The following GOLGA3 variants were observed in gnomAD, a reference collection of about 807,000 sequenced individuals.
GOLGA3 encodes golgin A3.
A neutral mutation model predicts 169.4 loss-of-function variants in GOLGA3; 75 were observed. The ratio of observed to expected loss-of-function variants is 0.44; its 90% CI spans 0.37 to 0.54. The LOEUF (loss-of-function observed/expected upper bound fraction) is 0.54, where lower values mean the gene tolerates loss of function less well. Ranked by LOEUF, GOLGA3 falls within the 20% of genes least tolerant of loss-of-function variation. The probability of loss-of-function intolerance (pLI) is 0.00; values close to 1 mark genes in which losing one functional copy is unlikely to be tolerated. For synonymous variants in GOLGA3, 824 were observed against 822.4 expected (o/e 1.00, Z -0.03); for missense variants, 1,899 against 1,930.0 (o/e 0.98, Z 0.30).
chr12:132,811,065 C>T (rs1046849175), intron 4 of GOLGA3, among the ~76,000 whole-genome samples: 6 of 152,192 alleles, frequency 3.9e-5, no homozygotes, highest in African/African-American at 7.2e-5. Flanking sequence ...CCAGTGGGCA[C>T]GTGACCCACG....
rs527339851 is a variant in GOLGA3, at chr12:132,769,327, G to C, written c.*3778C>G. 1 of 152,310 alleles carries C rather than the reference G, an allele frequency of 6.6e-6. No individual in the cohort carries two copies. Among genetic ancestry groups the C allele is most frequent in the Admixed American group, 6.5e-5 (1 of 15,290 alleles). 9.4% of individuals were successfully genotyped at this position (152,310 alleles called of 1,614,324 possible). A position where few individuals can be genotyped will look rare whatever the true frequency, so the allele number is the denominator to read the frequency against. On this transcript the variant is annotated 3_prime_UTR_variant, in exon 24 of 24. Coordinates refer to ENST00000450791, the MANE Select transcript of GOLGA3 (RefSeq NM_001389683.1). The stretch of plus-strand genomic sequence containing the variant: ...GTCCCTCCCCTCCTAGAATCTTCAC[G>C]TACAACATTCTGTTTTTGTTTTTAA...
At chr12:132,828,393 G>C (rs961274019) in intron 1 of GOLGA3, 2 of 152,380 alleles carry the variant, frequency 1.3e-5, no homozygotes, top group African/African-American at 4.8e-5. Context: ...CAGCGACAAA[G>C]ACAAACAAGG....
intron 2 of GOLGA3, among the ~76,000 whole-genome samples, chr12:132,820,745 G>C (rs1172323279): frequency 6.6e-6 from 1 of 152,122 alleles, no homozygotes; most frequent in African/African-American, 2.4e-5. Flanking sequence ...GTAATCCTTA[G>C]ATCTCTACGG....
In GOLGA3 at chr12:132,801,719, T is replaced by G. The variant is rs369904041; in HGVS notation, c.1800+48A>C. ...TCTCAGGAAAAAGCACCGTTCTACATGAAGACAAGAAGCGTGACCTGCCCT... is the reference window on the plus strand; with the variant it reads ...TCTCAGGAAAAAGCACCGTTCTACAGGAAGACAAGAAGCGTGACCTGCCCT... On this transcript the variant is annotated intron_variant, in intron 8 of 23. Coordinates refer to ENST00000450791, the MANE Select transcript of GOLGA3 (RefSeq NM_001389683.1). 3.8e-5 allele frequency: 58 copies of G among 1,529,320 alleles called. No homozygotes were observed. In the African/African-American group the frequency reaches 7.4e-4, roughly 19 times the overall value. The allele number at this position is 1,529,320 out of a possible 1,614,324, so 94.7% of individuals were successfully genotyped here. A position where few individuals can be genotyped will look rare whatever the true frequency, so the allele number is the denominator to read the frequency against.
At chr12:132,820,672 A>T (rs1950166572) in intron 2 of GOLGA3, among the ~76,000 whole-genome samples, 1 of 152,160 alleles carries the variant, frequency 6.6e-6, no homozygotes, top group South Asian at 2.1e-4. Flanking sequence ...TGAGTGAATA[A>T]CTAAGTCACC....
rs193208359 is a variant in GOLGA3, at chr12:132,780,425, C to T, written c.3582+373G>A. Among the ~76,000 whole-genome samples, 5 of 152,338 alleles carry T rather than the reference C, an allele frequency of 3.3e-5. No homozygotes were observed. The East Asian group carries it at 9.6e-4, about 29-fold the overall frequency. On this transcript the variant is annotated intron_variant, in intron 18 of 23. Transcript: ENST00000450791. ...AGGGCAGGGGCCAGCCACGAAAAGA[C>T]AGCTCTCTACACAGAGAAGGGTCCA...
chr12:132,783,211 A>AATGGACACCACACAACCCTGTG (rs1566079449), intron 16 of GOLGA3, among the ~76,000 whole-genome samples: 1 of 150,866 alleles, frequency 6.6e-6, no homozygotes, highest in Non-Finnish European at 1.5e-5. Context: ...AACAAAGAAC[A>AATGGACACCACACAACCCTGTG]ATGGACACCA....
intron 18 of GOLGA3, among the ~76,000 whole-genome samples, chr12:132,778,239 T>C (rs1246711171): frequency 6.6e-6 from 1 of 151,836 alleles, no homozygotes; most frequent in Non-Finnish European, 1.5e-5. Flanking sequence ...ATCGCGCCAC[T>C]GCACTCCAGC....
chr12:132,787,843 ACCCCTCCCCGGAGACCC>A lies in GOLGA3; in HGVS notation c.2812-1073_2812-1057del, dbSNP rs1263757103. Among the ~76,000 whole-genome samples the A allele has an allele frequency of 3.2e-3, 236 of 73,658 alleles. 41 individuals are homozygous for A. Among genetic ancestry groups the A allele is most frequent in the Non-Finnish European group, 4.1e-3 (145 of 35,478 alleles). 48.3% of individuals were successfully genotyped at this position (73,658 alleles called of 152,430 possible). ...GGGACCCCTCCCCGGAGACCCCGGGACCCCTCCCCGGAGACCCCGGGACCCCTTCCCGAGACCCCAGG... is the reference window on the plus strand; with the variant it reads ...GGGACCCCTCCCCGGAGACCCCGGGACGGGACCCCTTCCCGAGACCCCAGG... On this transcript the variant is annotated intron_variant, in intron 13 of 23. Transcript: ENST00000450791.
chr12:132,808,889 G>T (rs1250334432), intron 4 of GOLGA3, among the ~76,000 whole-genome samples: 4 of 152,194 alleles, frequency 2.6e-5, no homozygotes, highest in Admixed American at 6.5e-5. Flanking sequence ...GTCTCCCCCT[G>T]TGTGCGGCGA....
At chr12:132,802,272 A>G (rs983250638) in intron 7 of GOLGA3, among the ~76,000 whole-genome samples, 4 of 152,226 alleles carry the variant, frequency 2.6e-5, no homozygotes, top group Admixed American at 6.5e-5. Flanking sequence ...GATCTAATAC[A>G]TAGCGTCGAT....
At chr12:132,802,279 C>T (rs1949163996) in intron 7 of GOLGA3, among the ~76,000 whole-genome samples, 2 of 152,128 alleles carry the variant, frequency 1.3e-5, no homozygotes, top group South Asian at 4.1e-4. Context: ...TACATAGCGT[C>T]GATTCATTCA....
At chr12:132,784,142 A>G (rs1184509817) in intron 16 of GOLGA3, 22 bp downstream of exon 16, 1 of 1,604,290 alleles carries the variant, frequency 6.2e-7, no homozygotes, top group Admixed American at 1.7e-5. Flanking sequence ...CGCTGCCGCC[A>G]CAGCAGATGG....
At chr12:132,815,972 G>GCAGA (rs1305399313) in intron 3 of GOLGA3, among the ~76,000 whole-genome samples, 1 of 152,258 alleles carries the variant, frequency 6.6e-6, no homozygotes, top group East Asian at 1.9e-4. Flanking sequence ...GCCAAGGCAG[G>GCAGA]CAGACCATGA....
At position 132,789,169 on chromosome 12, in the gene GOLGA3, A is replaced by G. The variant is rs138141071; in HGVS notation, c.2669T>C (p.Val890Ala). 862 of 1,612,236 alleles carry G rather than the reference A, an allele frequency of 5.3e-4. 9 individuals carry two copies. In the African/African-American group the frequency reaches 0.01, roughly 19 times the overall value. The part of the protein sequence containing the change: ...LKELRQELMQ[V>A]HGEKRTAEAE... ...CTCGGCAGTCCGCTTCTCCCCGTGC[A>G]CTTGCATCAGCTCCTGCCGCAGCTC... Residue 890 changes from valine (V) to alanine (A), a missense_variant, in exon 13 of 24, where the codon GTG becomes GCG. Transcript: ENST00000450791.
At chr12:132,822,715 G>C (rs1170557494) in intron 1 of GOLGA3, among the ~76,000 whole-genome samples, 1 of 152,194 alleles carries the variant, frequency 6.6e-6, no homozygotes, top group South Asian at 2.1e-4. Context: ...GAGGTCAGGA[G>C]TTCAAGACCA....
chr12:132,780,365 G>A (rs939081022), intron 18 of GOLGA3, among the ~76,000 whole-genome samples: 8 of 152,194 alleles, frequency 5.3e-5, no homozygotes, highest in East Asian at 3.9e-4. Context: ...GCCTCTGCTG[G>A]CGACGTGACC....
Position 132,789,211 on chromosome 12 carries a change from A to G in GOLGA3, c.2627T>C (p.Leu876Pro). The change falls in exon 13 of 24, where the codon CTG becomes CCG. Residue 876 changes from leucine (L) to proline (P), a missense_variant. Transcript: ENST00000450791. ...ISELKATRKR[L>P]DSELKELRQE... Reference sequence around the variant, plus strand: ...CCGCAGCTCCTTCAGCTCCGAGTCCAGCCTCTTCCTGGTGGCTTTCAGCTC... The same window carrying G: ...CCGCAGCTCCTTCAGCTCCGAGTCCGGCCTCTTCCTGGTGGCTTTCAGCTC... 6.2e-7 allele frequency: 1 copy of G among 1,610,730 alleles called. No homozygotes were observed. Among genetic ancestry groups the G allele is most frequent in the Non-Finnish European group, 8.5e-7 (1 of 1,180,006 alleles).
rs1368760516 is a variant in GOLGA3, at chr12:132,783,180, ACT to A, written c.3268-689_3268-688del. On this transcript the variant is annotated intron_variant, in intron 16 of 23. Coordinates refer to ENST00000450791, the MANE Select transcript of GOLGA3 (RefSeq NM_001389683.1). ...ACTCCAGCCTGAATGACAGAGTGAGACTCTGTCTCAAGACAACAAAAACAAAG... is the reference window on the plus strand; with the variant it reads ...ACTCCAGCCTGAATGACAGAGTGAGACTGTCTCAAGACAACAAAAACAAAG... Among the ~76,000 whole-genome samples, 20 of 152,294 alleles carry A rather than the reference ACT, an allele frequency of 1.3e-4. No homozygotes were observed. In the East Asian group the frequency reaches 1.9e-3, roughly 15 times the overall value.
Sources: allele counts gnomAD v4.1 joint callset (sites outside exome capture counted in the v4.1 genomes callset), GRCh38; gene constraint gnomAD v4.1.1; transcripts MANE v1.5; gene names NCBI Gene and HGNC (gene_info 2026-07-23, HGNC 2026-07-21).